Variants in FTCDNL1 observed in about 807,000 individuals in gnomAD.
The protein encoded by FTCDNL1 is formiminotransferase cyclodeaminase N-terminal like, also known as formiminotransferase N-terminal subdomain-containing protein.
In FTCDNL1, 11 loss-of-function variants were observed where a neutral mutation model predicts 5.9. The observed-to-expected ratio is 1.87, with a 90% confidence interval of 1.18 to 3.10. The LOEUF (loss-of-function observed/expected upper bound fraction) is 3.10. FTCDNL1 is among the 30% of genes most tolerant of loss of function. The probability of loss-of-function intolerance (pLI) is 0.00; values close to 1 mark genes in which losing one functional copy is unlikely to be tolerated. For missense variants in FTCDNL1, 115 were observed against 65.5 expected (o/e 1.76, Z -2.61); for synonymous variants, 58 against 24.8 (o/e 2.34, Z -3.99).
At chr2:199,770,420 C>G (rs1229689208) in intron 3 of FTCDNL1, among the ~76,000 whole-genome samples, 11 of 152,160 alleles carry the variant, frequency 7.2e-5, no homozygotes, top group African/African-American at 2.7e-4. Context: ...ACATCTGGGG[C>G]TCAAAGCCAG....
chr2:199,829,981 A>G (rs1702264109), intron 3 of FTCDNL1, among the ~76,000 whole-genome samples: 3 of 152,116 alleles, frequency 2.0e-5, no homozygotes, highest in Non-Finnish European at 2.9e-5. Flanking sequence ...CCTTTCCCTA[A>G]GCACAAACCA....
chr2:199,715,316 C>T, the FTCDNL1 span, among the ~76,000 whole-genome samples: 4 of 152,114 alleles, frequency 2.6e-5, no homozygotes, highest in Non-Finnish European at 4.4e-5. Context: ...AACTGTGGCT[C>T]CCATAATCCC....
At chr2:199,780,288 A>C (rs1192098312) in intron 3 of FTCDNL1, among the ~76,000 whole-genome samples, 1 of 152,152 alleles carries the variant, frequency 6.6e-6, no homozygotes. Context: ...CCTTCCTCAC[A>C]GAAGAAATTG....
intron 3 of FTCDNL1, among the ~76,000 whole-genome samples, chr2:199,824,366 G>C (rs1037983523): frequency 1.1e-4 from 16 of 152,194 alleles, no homozygotes; most frequent in African/African-American, 1.7e-4. Context: ...GAAATGTTAT[G>C]GCTTGTTTGA....
the FTCDNL1 span, among the ~76,000 whole-genome samples, chr2:199,738,333 TAGAC>T: frequency 2.6e-5 from 4 of 152,292 alleles, no homozygotes; most frequent in African/African-American, 7.2e-5. Context: ...CTAGGCATGA[TAGAC>T]AGGAAAGCAC....
the FTCDNL1 span, among the ~76,000 whole-genome samples, chr2:199,712,958 G>A: frequency 6.6e-6 from 1 of 152,160 alleles, no homozygotes; most frequent in African/African-American, 2.4e-5. Flanking sequence ...TGAGGGTTAG[G>A]ACTTCAAAGT....
the FTCDNL1 span, among the ~76,000 whole-genome samples, chr2:199,709,351 C>T: frequency 6.6e-6 from 1 of 152,056 alleles, no homozygotes; most frequent in Non-Finnish European, 1.5e-5. Flanking sequence ...CTCCTTTTAA[C>T]CCAGGGCAGC....
chr2:199,708,356 AT>A, the FTCDNL1 span, among the ~76,000 whole-genome samples: 6 of 152,020 alleles, frequency 3.9e-5, no homozygotes, highest in African/African-American at 1.4e-4. Flanking sequence ...TGCTAATATC[AT>A]CCCCACTATC....
At chr2:199,714,686 T>C in the FTCDNL1 span, among the ~76,000 whole-genome samples, 1 of 152,132 alleles carries the variant, frequency 6.6e-6, no homozygotes, top group African/African-American at 2.4e-5. Context: ...AGCAGCCAGC[T>C]GTGGCACAGG....
At chr2:199,673,284 C>T in the FTCDNL1 span, among the ~76,000 whole-genome samples, 243 of 138,524 alleles carry the variant, frequency 1.8e-3, 2 homozygotes, top group East Asian at 0.011. Flanking sequence ...GCTGAGATCA[C>T]TCCATTGCAC....
the FTCDNL1 span, among the ~76,000 whole-genome samples, chr2:199,706,122 C>T: frequency 0.11 from 17,271 of 152,144 alleles, 1,335 homozygotes; most frequent in Middle Eastern, 0.25. Flanking sequence ...GTCCATTATC[C>T]CTGCCAAAAG....
intron 3 of FTCDNL1, among the ~76,000 whole-genome samples, chr2:199,829,199 T>C (rs1039674632): frequency 2.6e-5 from 4 of 152,270 alleles, no homozygotes; most frequent in Middle Eastern, 3.4e-3. Context: ...GTTATTTTTT[T>C]CCCCCAATTT....
the FTCDNL1 span, among the ~76,000 whole-genome samples, chr2:199,670,497 AGT>A: frequency 6.6e-6 from 1 of 152,210 alleles, no homozygotes; most frequent in Non-Finnish European, 1.5e-5. Flanking sequence ...ATAACAAGGA[AGT>A]TGCAGAAAAC....
At chr2:199,705,938 C>A in the FTCDNL1 span, among the ~76,000 whole-genome samples, 3 of 152,178 alleles carry the variant, frequency 2.0e-5, no homozygotes, top group Non-Finnish European at 4.4e-5. Context: ...TGGTATGAAC[C>A]AAGCCTTCAT....
chr2:199,767,004 C>G (rs1463115108), intron 3 of FTCDNL1, among the ~76,000 whole-genome samples: 2 of 151,890 alleles, frequency 1.3e-5, no homozygotes, highest in African/African-American at 4.8e-5. Flanking sequence ...TACTAAATAT[C>G]GAGATCAAGC....
chr2:199,837,783 T>G (rs552322958), intron 3 of FTCDNL1, among the ~76,000 whole-genome samples: 2 of 152,258 alleles, frequency 1.3e-5, no homozygotes, highest in Non-Finnish European at 2.9e-5. Flanking sequence ...TCTTTATTCA[T>G]GTAGCTTATA....
intron 2 of FTCDNL1, among the ~76,000 whole-genome samples, chr2:199,847,973 C>T (rs2076774591): frequency 6.6e-6 from 1 of 152,238 alleles, no homozygotes; most frequent in Admixed American, 6.5e-5. Context: ...TGGGGGAAAA[C>T]ACTTCTTTCT....
At chr2:199,680,779 T>C in the FTCDNL1 span, among the ~76,000 whole-genome samples, 68 of 152,284 alleles carry the variant, frequency 4.5e-4, no homozygotes, top group Non-Finnish European at 8.8e-4. Flanking sequence ...AAATAAATGG[T>C]TAATTAGAAA....
At chr2:199,803,671 C>T (rs1413540682) in intron 3 of FTCDNL1, among the ~76,000 whole-genome samples, 1 of 152,122 alleles carries the variant, frequency 6.6e-6, no homozygotes, top group Non-Finnish European at 1.5e-5. Flanking sequence ...ACTATGTTGC[C>T]CAGGCTGGTC....
Sources: gnomAD v4.1 joint callset for allele counts (sites outside exome capture counted in the v4.1 genomes callset) on GRCh38, gnomAD v4.1.1 for gene constraint, MANE v1.5 for transcripts, NCBI Gene and HGNC (gene_info 2026-07-23, HGNC 2026-07-21) for gene names.